The following DYNC2H1 variants were observed in gnomAD, a reference collection of about 807,000 sequenced individuals.
The protein encoded by DYNC2H1 is cytoplasmic dynein 2 heavy chain 1.
A neutral mutation model predicts 570.0 loss-of-function variants in DYNC2H1; 410 were observed. The observed-to-expected ratio is 0.72, with a 90% CI of 0.66 to 0.78. The LOEUF is 0.78. Among genes scored for constraint, DYNC2H1 ranks in the 30% least tolerant of loss-of-function variants. The pLI is 0.00. For missense variants in DYNC2H1, 4,865 were observed against 5,046.4 expected (o/e 0.96, Z 1.09); for synonymous variants, 1,688 against 1,677.6 (o/e 1.01, Z -0.15).
intron 53 of DYNC2H1, among the ~76,000 whole-genome samples, chr11:103,210,391 T>C (rs1185372993): frequency 6.6e-6 from 1 of 152,010 alleles, no homozygotes; most frequent in Admixed American, 6.6e-5. Flanking sequence ...TTCTCATTAT[T>C]TTCTCTTCAA....
rs1223712986 is a variant in DYNC2H1 at position 103,299,399 on chromosome 11, T to A, written c.11096-3694T>A. Among the ~76,000 whole-genome samples the A allele has an allele frequency of 6.6e-6, 1 of 152,156 alleles. No individual in the cohort carries two copies. The highest frequency in any genetic ancestry group is 1.5e-5 in the Non-Finnish European group (1 of 68,002). ...CATCTTCTGCAGGTCAGAAACCTGA[T>A]GGGCTCACCAGGTTTCTTTGCTCCA... On this transcript the variant is annotated intron_variant, in intron 75 of 88. Transcript: ENST00000375735. This position sits in a 1 kb window ranked among gnomAD's most constrained non-coding sequence, Gnocchi z 4.5.
intron 83 of DYNC2H1, among the ~76,000 whole-genome samples, chr11:103,391,454 A>G (rs570121190): frequency 6.6e-6 from 1 of 152,272 alleles, no homozygotes; most frequent in African/African-American, 2.4e-5. Flanking sequence ...TTCCTCCTTT[A>G]GCTCGGAGAA....
At chr11:103,109,814 G>A in intron 1 of DYNC2H1, 45 bp downstream of exon 1, 5 of 1,574,776 alleles carry the variant, frequency 3.2e-6, no homozygotes, top group Non-Finnish European at 4.3e-6. Context: ...CACTCTTCAA[G>A]TCCCCAGGCC....
chr11:103,282,893 G>C, intron 72 of DYNC2H1, 115 bp from the exon 73 acceptor site: 2 of 719,416 alleles, frequency 2.8e-6, no homozygotes, highest in South Asian at 4.1e-5. Flanking sequence ...AAAATATAAA[G>C]AAATAATGCA....
chr11:103,217,695 T>C (rs986639878), intron 55 of DYNC2H1, among the ~76,000 whole-genome samples: 2 of 152,124 alleles, frequency 1.3e-5, no homozygotes, highest in Admixed American at 6.5e-5. Flanking sequence ...TGATGTGATA[T>C]CAAAATAGAA....
At chr11:103,425,800 CA>C (rs556085056) in intron 84 of DYNC2H1, among the ~76,000 whole-genome samples, 14 of 150,496 alleles carry the variant, frequency 9.3e-5, no homozygotes, top group South Asian at 4.2e-4. Context: ...TTATACATAA[CA>C]AAAAAAAGAA....
intron 46 of DYNC2H1, among the ~76,000 whole-genome samples, chr11:103,191,875 T>C (rs912159106): frequency 6.6e-6 from 1 of 152,112 alleles, no homozygotes; most frequent in African/African-American, 2.4e-5. Context: ...GAATTATTTT[T>C]GTTGAACAAC....
intron 78 of DYNC2H1, 58 bp from the exon 79 acceptor site, chr11:103,311,820 C>A: frequency 6.8e-7 from 1 of 1,471,418 alleles, no homozygotes; most frequent in Non-Finnish European, 9.1e-7. Flanking sequence ...ATGTTAAAAT[C>A]TAATATATTT....
chr11:103,150,033 C>T (rs535389753), intron 20 of DYNC2H1, among the ~76,000 whole-genome samples: 1 of 152,126 alleles, frequency 6.6e-6, no homozygotes, highest in East Asian at 1.9e-4. Flanking sequence ...GCTTGGTATG[C>T]TTAAGGAACA....
chr11:103,413,277 A>G (rs1943155763), intron 84 of DYNC2H1, among the ~76,000 whole-genome samples: 1 of 152,202 alleles, frequency 6.6e-6, no homozygotes, highest in Non-Finnish European at 1.5e-5. Flanking sequence ...TTGCCTGCAA[A>G]TTAGTTCTTA....
chr11:103,298,962 C>T (rs1321881383), intron 75 of DYNC2H1, among the ~76,000 whole-genome samples: 1 of 152,066 alleles, frequency 6.6e-6, no homozygotes, highest in Non-Finnish European at 1.5e-5. Flanking sequence ...TATGTGCTGG[C>T]AAAATCTACT....
At chr11:103,278,290 C>T (rs2135329930) in intron 70 of DYNC2H1, among the ~76,000 whole-genome samples, 1 of 152,170 alleles carries the variant, frequency 6.6e-6, no homozygotes, top group South Asian at 2.1e-4. Context: ...CTGTTTTATT[C>T]ATTATTAGTA....
Position 103,255,467 on chromosome 11 carries a change from C to T in DYNC2H1, c.10259C>T (p.Thr3420Ile). The T allele has an allele frequency of 1.3e-6, 2 of 1,569,168 alleles. No individual in the cohort carries two copies. Among genetic ancestry groups the T allele is most frequent in the South Asian group, 1.2e-5 (1 of 85,024 alleles). Residue 3420 changes from threonine to isoleucine, a missense_variant, in exon 67 of 89, where the codon ACA becomes ATA. This residue lies in a region of DYNC2H1 where 2,401 missense variants were observed against 2,454.6 expected (regional missense o/e 0.98). Transcript: ENST00000375735. ...HEKPDLEEQKTKLLQQEEDKK... is the reference protein window; with the variant it reads ...HEKPDLEEQKIKLLQQEEDKK... ...AAACCTGATTTAGAAGAACAGAAAA[C>T]AAAACTATTACAACAGGAAGAAGAT...
intron 84 of DYNC2H1, among the ~76,000 whole-genome samples, chr11:103,415,834 T>C (rs1005118335): frequency 2.6e-5 from 4 of 152,148 alleles, no homozygotes; most frequent in Non-Finnish European, 5.9e-5. Flanking sequence ...CATGCTACTA[T>C]AAAGACACAT....
chr11:103,449,641 A>G (rs1473437441), intron 85 of DYNC2H1, among the ~76,000 whole-genome samples: 1 of 151,326 alleles, frequency 6.6e-6, no homozygotes, highest in South Asian at 2.1e-4. Flanking sequence ...TACATGTGGT[A>G]ATTATTAAGT....
Position 103,165,887 on chromosome 11 carries a change from T to C in DYNC2H1, c.4612-11T>C. The C allele has an allele frequency of 6.9e-7, 1 of 1,448,310 alleles. No homozygotes were observed. The highest frequency in any genetic ancestry group is 9.1e-7 in the Non-Finnish European group (1 of 1,101,054). The allele number at this position is 1,448,310 out of a possible 1,614,324, so 89.7% of individuals were successfully genotyped here. A position where few individuals can be genotyped will look rare whatever the true frequency, so the allele number is the denominator to read the frequency against. On this transcript the variant is annotated splice_polypyrimidine_tract_variant and intron_variant, in intron 30 of 88. Transcript: ENST00000375735. ...CACCTTTTAAAAATAATTTTTCTCT[T>C]TATTCAATAGATTTTATGCTTGGCG...
intron 47 of DYNC2H1, among the ~76,000 whole-genome samples, chr11:103,195,618 T>A (rs1054783659): frequency 6.6e-6 from 1 of 152,198 alleles, no homozygotes; most frequent in Non-Finnish European, 1.5e-5. Context: ...TTTTAGCTAT[T>A]TCTGTTTCTT....
chr11:103,230,494 C>T lies in DYNC2H1; in HGVS notation c.9354-766C>T, dbSNP rs1863963880. Among the ~76,000 whole-genome samples, 2 of 152,174 alleles carry T rather than the reference C, an allele frequency of 1.3e-5. 1 individual carries two copies. Among genetic ancestry groups the T allele is most frequent in the Admixed American group, 1.3e-4 (2 of 15,262 alleles). The stretch of plus-strand genomic sequence containing the variant: ...TGATGGAGATGAGTAAGGGCATAAG[C>T]TAGACTTGCAGCATTCTGGGTTTTA... On this transcript the variant is annotated intron_variant, in intron 59 of 88. Coordinates refer to ENST00000375735, the MANE Select transcript of DYNC2H1 (RefSeq NM_001377.3).
chr11:103,169,003 T>C, intron 32 of DYNC2H1, 43 bp downstream of exon 32: 8 of 1,491,230 alleles, frequency 5.4e-6, no homozygotes, highest in Non-Finnish European at 7.1e-6. Context: ...TTAGAAATTA[T>C]TTACTGTAAA....
Sources: gnomAD v4.1 joint callset for allele counts (sites outside exome capture counted in the v4.1 genomes callset) on GRCh38, gnomAD v4.1.1 for gene constraint, gnomAD v4.1.1 regional missense constraint, Gnocchi (gnomAD v3.1) non-coding constraint, MANE v1.5 for transcripts, NCBI Gene and HGNC (gene_info 2026-07-23, HGNC 2026-07-21) for gene names.